NARS2: variants seen among roughly 807,000 people sequenced by gnomAD.
NARS2 encodes the protein asparaginyl-tRNA synthetase 2, mitochondrial.
In NARS2, 60 loss-of-function variants were observed where a neutral mutation model predicts 62.9. The observed-to-expected ratio is 0.95, with a 90% confidence interval of 0.77 to 1.18. The LOEUF (loss-of-function observed/expected upper bound fraction) is 1.18, where lower values mean the gene tolerates loss of function less well. NARS2 is among the 50% of genes most tolerant of loss of function. The pLI is 0.00. For synonymous variants in NARS2, 196 were observed against 200.0 expected (o/e 0.98, Z 0.17); for missense variants, 619 against 576.4 (o/e 1.07, Z -0.76).
rs148200639 is a variant in NARS2 at position 78,562,821 on chromosome 11, G to C, written c.514-3202C>G. On this transcript the variant is annotated intron_variant, in intron 4 of 13. Transcript: ENST00000281038. ...CAAGAAATAACCTTAGATCCTTAAA[G>C]TGTCTTAAAAGTACTGTTCAAGTTT... is the stretch of plus-strand genomic sequence containing the variant. Among the ~76,000 whole-genome samples, 287 of 152,226 alleles carry C rather than the reference G, an allele frequency of 1.9e-3. 1 individual carries two copies. The highest frequency in any genetic ancestry group is 0.01 in the South Asian group (49 of 4,824).
intron 11 of NARS2, 70 bp from the exon 12 acceptor site, chr11:78,443,828 T>A: frequency 1.7e-6 from 2 of 1,163,734 alleles, no homozygotes; most frequent in Non-Finnish European, 2.5e-6. Flanking sequence ...CTGAAGCAAG[T>A]AAACCTTTAA....
At chr11:78,476,710 T>C (rs1277745355) in intron 9 of NARS2, among the ~76,000 whole-genome samples, 3 of 152,246 alleles carry the variant, frequency 2.0e-5, no homozygotes, top group Non-Finnish European at 2.9e-5. Flanking sequence ...GAATGGATTA[T>C]GACAATGACA....
chr11:78,521,809 A>G (rs1861138225), intron 6 of NARS2, among the ~76,000 whole-genome samples: 1 of 151,092 alleles, frequency 6.6e-6, no homozygotes, highest in Admixed American at 6.6e-5. Flanking sequence ...AAAAAAAAAA[A>G]GAAAAGCCCG....
intron 11 of NARS2, among the ~76,000 whole-genome samples, chr11:78,447,349 A>G (rs896164369): frequency 6.6e-6 from 1 of 152,078 alleles, no homozygotes; most frequent in African/African-American, 2.4e-5. Context: ...AAAAGATGAA[A>G]AATAAGTTTG....
chr11:78,574,543 C>A lies in NARS2; in HGVS notation c.-55G>T. On this transcript the variant is annotated 5_prime_UTR_variant, in exon 1 of 14. Transcript: ENST00000281038. ...CAGCCCAGACCCCACGGTTCGAACC[C>A]CGCCTGCAGCGGCCCTCCTTTCTCA... 1 of 1,518,084 alleles carries A rather than the reference C, an allele frequency of 6.6e-7. No homozygotes were observed. The highest frequency in any genetic ancestry group is 1.2e-5 in the South Asian group (1 of 82,276). 94.0% of individuals were successfully genotyped at this position (1,518,084 alleles called of 1,614,324 possible).
intron 7 of NARS2, among the ~76,000 whole-genome samples, chr11:78,481,183 T>C (rs563737334): frequency 1.3e-5 from 2 of 152,166 alleles, no homozygotes; most frequent in East Asian, 3.9e-4. Context: ...ACAGAATGTA[T>C]AGATTCTAAA....
chr11:78,508,011 T>C (rs1860569583), intron 6 of NARS2, among the ~76,000 whole-genome samples: 1 of 152,106 alleles, frequency 6.6e-6, no homozygotes, highest in African/African-American at 2.4e-5. Context: ...AAGAAAATGA[T>C]GTATGAACAA....
intron 10 of NARS2, among the ~76,000 whole-genome samples, chr11:78,466,575 G>A (rs953038624): frequency 6.6e-6 from 1 of 152,072 alleles, no homozygotes; most frequent in African/African-American, 2.4e-5. Flanking sequence ...CTGTCTCCCG[G>A]GTTCAAGTGA....
intron 10 of NARS2, 125 bp downstream of exon 10, chr11:78,469,122 G>C: frequency 3.1e-6 from 2 of 647,956 alleles, no homozygotes; most frequent in Non-Finnish European, 5.5e-6. Flanking sequence ...GTGTACAAAT[G>C]AGCAAATGCC....
intron 9 of NARS2, among the ~76,000 whole-genome samples, chr11:78,473,040 C>A (rs1363981650): frequency 6.6e-6 from 1 of 152,206 alleles, no homozygotes; most frequent in African/African-American, 2.4e-5. Flanking sequence ...GTGGCCTGCA[C>A]CAGTTGTCTC....
At chr11:78,445,819 G>T (rs1857740162) in intron 11 of NARS2, among the ~76,000 whole-genome samples, 1 of 152,052 alleles carries the variant, frequency 6.6e-6, no homozygotes, top group African/African-American at 2.4e-5. Context: ...TTGCAGCTAG[G>T]TGTGGTGGTG....
chr11:78,492,375 T>C (rs947245139), intron 7 of NARS2, among the ~76,000 whole-genome samples: 3 of 152,200 alleles, frequency 2.0e-5, no homozygotes, highest in Middle Eastern at 3.2e-3. Context: ...TTTATCTACC[T>C]CTAAATCATT....
intron 9 of NARS2, among the ~76,000 whole-genome samples, chr11:78,474,670 G>C (rs894643775): frequency 6.6e-6 from 1 of 152,132 alleles, no homozygotes; most frequent in Non-Finnish European, 1.5e-5. Context: ...CTGAGTTCCT[G>C]TTAAAGGCAC....
At chr11:78,485,322 C>G (rs911353228) in intron 7 of NARS2, among the ~76,000 whole-genome samples, 1 of 151,860 alleles carries the variant, frequency 6.6e-6, no homozygotes, top group Non-Finnish European at 1.5e-5. Context: ...TTGATAGGTG[C>G]GGCAAACCAC....
intron 9 of NARS2, among the ~76,000 whole-genome samples, chr11:78,476,734 C>T (rs544667959): frequency 6.6e-6 from 1 of 152,172 alleles, no homozygotes; most frequent in Admixed American, 6.5e-5. Flanking sequence ...ATTGAAATGG[C>T]GCAGCCCAAG....
intron 5 of NARS2, among the ~76,000 whole-genome samples, chr11:78,552,705 G>C (rs1169928579): frequency 6.6e-6 from 1 of 152,038 alleles, no homozygotes; most frequent in Non-Finnish European, 1.5e-5. Flanking sequence ...TCCCCACTTC[G>C]AGTTCTCCCA....
chr11:78,556,931 T>G (rs1226698360), intron 5 of NARS2, among the ~76,000 whole-genome samples: 1 of 152,246 alleles, frequency 6.6e-6, no homozygotes, highest in African/African-American at 2.4e-5. Flanking sequence ...TATCAACTCC[T>G]GCCAACTTAC....
chr11:78,511,495 A>T (rs1225909466), intron 6 of NARS2, among the ~76,000 whole-genome samples: 1 of 152,168 alleles, frequency 6.6e-6, no homozygotes, highest in African/African-American at 2.4e-5. Context: ...AGACAGGCGG[A>T]TCACAAAGTT....
At chr11:78,509,112 GAA>G (rs201305584) in intron 6 of NARS2, among the ~76,000 whole-genome samples, 12 of 84,706 alleles carry the variant, frequency 1.4e-4, no homozygotes, top group Admixed American at 2.4e-4. Context: ...CTTTAAAAAG[GAA>G]AAAAAAAAAA....
Sources: allele counts gnomAD v4.1 joint callset (sites outside exome capture counted in the v4.1 genomes callset), GRCh38; gene constraint gnomAD v4.1.1; transcripts MANE v1.5; gene names NCBI Gene and HGNC (gene_info 2026-07-23, HGNC 2026-07-21).